The following MGAT5B variants were observed in gnomAD, a reference collection of about 807,000 sequenced individuals.
The protein encoded by MGAT5B is N-acetylglucosaminyl-transferase Vb.
MGAT5B carries 54 observed loss-of-function variants against 95.1 expected under a neutral mutation model. The observed-to-expected ratio is 0.57, with a 90% CI of 0.46 to 0.71. MGAT5B has a LOEUF of 0.71. MGAT5B is among the 30% of genes least tolerant of loss of function. MGAT5B has a pLI of 0.00. For missense variants in MGAT5B, 935 were observed against 1,088.6 expected (o/e 0.86, Z 1.99); for synonymous variants, 464 against 451.0 (o/e 1.03, Z -0.36).
At chr17:76,946,890 G>A (rs569937242) in intron 16 of MGAT5B, among the ~76,000 whole-genome samples, 2 of 152,216 alleles carry the variant, frequency 1.3e-5, no homozygotes, top group African/African-American at 2.4e-5. Flanking sequence ...ACAGCCCCAC[G>A]GTTTCAAAAA....
At position 76,906,182 on chromosome 17, in the gene MGAT5B, G is replaced by A. The variant is rs900585244; in HGVS notation, c.1020G>A (p.Leu340=). The part of the protein sequence containing the change: ...GLRVTVSLKE[L]QSNLGVPPGR... ...GGGTCACAGTCTCCCTGAAGGAGCTGCAGAGGTGAGTGCTGGGGAAAGCCA... is the reference window on the plus strand; with the variant it reads ...GGGTCACAGTCTCCCTGAAGGAGCTACAGAGGTGAGTGCTGGGGAAAGCCA... Residue 340 remains leucine (L), a synonymous_variant, in exon 8 of 18, where the codon CTG becomes CTA. Transcript: ENST00000569840. This position sits in a 1 kb window ranked among gnomAD's most constrained non-coding sequence, Gnocchi z 4.6. 1 of 1,602,122 alleles carries A rather than the reference G, an allele frequency of 6.2e-7. No homozygotes were observed. Among genetic ancestry groups the A allele is most frequent in the East Asian group, 2.3e-5 (1 of 43,250 alleles).
intron 8 of MGAT5B, among the ~76,000 whole-genome samples, chr17:76,921,312 A>G (rs16969510): frequency 0.6 from 91,077 of 151,990 alleles, 27,432 homozygotes; most frequent in Non-Finnish European, 0.62. Flanking sequence ...TTAGTCGCAC[A>G]CTGGTGACAG....
At chr17:76,873,731 C>T (rs1294361738) in intron 2 of MGAT5B, among the ~76,000 whole-genome samples, 1 of 152,188 alleles carries the variant, frequency 6.6e-6, no homozygotes, top group Non-Finnish European at 1.5e-5. Context: ...CTGAGCCCTG[C>T]TCACTGTATC....
rs1442634547 is a variant in MGAT5B at position 76,905,581 on chromosome 17, A to C, written c.855+248A>C. ...ATTCTGTGTACATCTGGTTCATGTC[A>C]GGCAGAAAAGTCATGGTATTGGCCT... On this transcript the variant is annotated intron_variant, in intron 7 of 17. Transcript: ENST00000569840. The surrounding 1 kb of genome is among the most constrained non-coding windows in gnomAD (Gnocchi z 4.2). Among the ~76,000 whole-genome samples the C allele has an allele frequency of 2.6e-5, 4 of 152,172 alleles. No individual in the cohort carries two copies. Among genetic ancestry groups the C allele is most frequent in the Non-Finnish European group, 4.4e-5 (3 of 68,018 alleles).
In MGAT5B at chr17:76,916,307, A is replaced by T. The variant is rs1968935890; in HGVS notation, c.1026-8659A>T. On this transcript the variant is annotated intron_variant, in intron 8 of 17. Transcript: ENST00000569840. The surrounding 1 kb of genome is among the most constrained non-coding windows in gnomAD (Gnocchi z 5.3). ...CAGGGAGTCTGTTTCTTGCAAGTCAAGGCCCCCCGGCCAAGTCTGAACATT... is the reference window on the plus strand; with the variant it reads ...CAGGGAGTCTGTTTCTTGCAAGTCATGGCCCCCCGGCCAAGTCTGAACATT... Among the ~76,000 whole-genome samples, 1 of 152,232 alleles carries T rather than the reference A, an allele frequency of 6.6e-6. No individual in the cohort carries two copies. Among genetic ancestry groups the T allele is most frequent in the Non-Finnish European group, 1.5e-5 (1 of 68,042 alleles).
rs116283986 is a variant in MGAT5B, at chr17:76,905,137, G to A, written c.691-32G>A. 1.5e-3 allele frequency: 2,399 copies of A among 1,575,938 alleles called. 31 individuals carry two copies. The African/African-American group carries it at 0.029, about 19-fold the overall frequency. On this transcript the variant is annotated intron_variant, in intron 6 of 17. Coordinates refer to ENST00000569840, the MANE Select transcript of MGAT5B (RefSeq NM_001199172.2). This position sits in a 1 kb window ranked among gnomAD's most constrained non-coding sequence, Gnocchi z 4.2. ...GGGAATGATGGTGGCCGCAGGTTGAGGGGCAGAGAGCTGAGGTCTGGACCC... is the reference window on the plus strand; with the variant it reads ...GGGAATGATGGTGGCCGCAGGTTGAAGGGCAGAGAGCTGAGGTCTGGACCC...
chr17:76,880,440 C>T (rs1162338102), intron 2 of MGAT5B, among the ~76,000 whole-genome samples: 2 of 152,162 alleles, frequency 1.3e-5, no homozygotes, highest in Non-Finnish European at 2.9e-5. Flanking sequence ...CAGCCAGAGC[C>T]AGGGAAGAAG....
chr17:76,933,308 C>CT lies in MGAT5B; in HGVS notation c.1428+11_1428+12insT. ...ACGAGGCAGCTCCAGGTATGGAAACCGCTTGCCGCCTGCCCCCTCTACCCT... is the reference window on the plus strand; with the variant it reads ...ACGAGGCAGCTCCAGGTATGGAAACCTGCTTGCCGCCTGCCCCCTCTACCCT... On this transcript the variant is annotated intron_variant, in intron 12 of 17. Transcript: ENST00000569840. 6.3e-7 allele frequency: 1 copy of CT among 1,598,260 alleles called. No homozygotes were observed. The highest frequency in any genetic ancestry group is 8.5e-7 in the Non-Finnish European group (1 of 1,179,730).
At chr17:76,885,600 G>T (rs1472454361) in intron 3 of MGAT5B, among the ~76,000 whole-genome samples, 1 of 152,186 alleles carries the variant, frequency 6.6e-6, no homozygotes, top group Admixed American at 6.5e-5. Context: ...GGAACTTGTA[G>T]GGGGAGGGGG....
rs1267800319 is a variant in MGAT5B, at chr17:76,905,697, G to A, written c.856-321G>A. Among the ~76,000 whole-genome samples the A allele has an allele frequency of 7.1e-6, 1 of 140,204 alleles. No individual in the cohort carries two copies. Among genetic ancestry groups the A allele is most frequent in the Non-Finnish European group, 1.6e-5 (1 of 64,158 alleles). The allele number at this position is 140,204 out of a possible 152,430, so 92.0% of individuals were successfully genotyped here. A position where few individuals can be genotyped will look rare whatever the true frequency, so the allele number is the denominator to read the frequency against. ...TTCCCTCCCTCCCTCCCTCCACCCAGTAGATATTTACGTGGCTCTCACATT... is the reference window on the plus strand; with the variant it reads ...TTCCCTCCCTCCCTCCCTCCACCCAATAGATATTTACGTGGCTCTCACATT... On this transcript the variant is annotated intron_variant, in intron 7 of 17. Transcript: ENST00000569840. This position sits in a 1 kb window ranked among gnomAD's most constrained non-coding sequence, Gnocchi z 4.2.
intron 15 of MGAT5B, chr17:76,944,350 T>C (rs76685549): frequency 0.057 from 8,726 of 152,300 alleles, 281 homozygotes; most frequent in South Asian, 0.084. Context: ...AGAGATTTGC[T>C]GTCACGGAGC....
At position 76,948,020 on chromosome 17, in the gene MGAT5B, T is replaced by G. The variant is rs1599016189; in HGVS notation, c.2114T>G (p.Leu705Arg). ...VPGRACTDTC[L>R]DHGLICEPSF... ...GGGAGGGCCTGCACCGACACCTGCC[T>G]GGACCACGGGCTAATCTGTGAGCCC... Residue 705 changes from leucine (L) to arginine (R), a missense_variant, in exon 17 of 18, where the codon CTG (leucine) becomes CGG (arginine). This residue lies in a region of MGAT5B where 440 missense variants were observed against 523.6 expected (regional missense o/e 0.84). Coordinates refer to ENST00000569840, the MANE Select transcript of MGAT5B (RefSeq NM_001199172.2). 6.2e-6 allele frequency: 10 copies of G among 1,613,248 alleles called. No individual in the cohort carries two copies. The highest frequency in any genetic ancestry group is 1.3e-5 in the African/African-American group (1 of 75,068).
chr17:76,943,580 TA>T (rs1417567544), intron 15 of MGAT5B, among the ~76,000 whole-genome samples: 1 of 143,986 alleles, frequency 6.9e-6, no homozygotes, highest in Non-Finnish European at 1.5e-5. Context: ...ATTATTTTTT[TA>T]AAATTTTCTT....
intron 8 of MGAT5B, among the ~76,000 whole-genome samples, chr17:76,907,131 A>G (rs1355058195): frequency 6.6e-6 from 1 of 150,720 alleles, no homozygotes; most frequent in Non-Finnish European, 1.5e-5. Flanking sequence ...GGCTCACTGC[A>G]GCCTCCGCCT....
intron 3 of MGAT5B, among the ~76,000 whole-genome samples, chr17:76,902,242 G>A (rs558314715): frequency 6.6e-6 from 1 of 152,090 alleles, no homozygotes; most frequent in African/African-American, 2.4e-5. Context: ...CGAGGGGTGG[G>A]GGATGTCCAC....
intron 10 of MGAT5B, 22 bp from the exon 11 acceptor site, chr17:76,932,623 C>T (rs1228085699): frequency 6.2e-7 from 1 of 1,612,834 alleles, no homozygotes; most frequent in East Asian, 2.2e-5. Context: ...GACCCCATTC[C>T]TTCTGCGTGC....
rs756556533 is a variant in MGAT5B at position 76,925,010 on chromosome 17, T to C, written c.1070T>C (p.Met357Thr). ...GGCCGGGGAAGCTGCCCGCTCACCATGCCCCTGCCCTTCGACCTCATCTAC... is the reference window on the plus strand; with the variant it reads ...GGCCGGGGAAGCTGCCCGCTCACCACGCCCCTGCCCTTCGACCTCATCTAC... ...PPGRGSCPLT[M>T]PLPFDLIYTD... Residue 357 changes from methionine (M) to threonine (T), a missense_variant, in exon 9 of 18, where the codon ATG becomes ACG. Transcript: ENST00000569840. The C allele has an allele frequency of 5.6e-6, 9 of 1,603,204 alleles. No individual in the cohort carries two copies. In the South Asian group the frequency reaches 6.6e-5, roughly 12 times the overall value.
intron 3 of MGAT5B, among the ~76,000 whole-genome samples, chr17:76,888,967 C>T (rs7211485): frequency 0.1 from 15,711 of 152,204 alleles, 1,148 homozygotes; most frequent in East Asian, 0.25. Flanking sequence ...GGACAGTGCC[C>T]GGAGGCTGGC....
chr17:76,902,353 G>A (rs746009373), intron 3 of MGAT5B, among the ~76,000 whole-genome samples: 3 of 152,208 alleles, frequency 2.0e-5, no homozygotes, highest in Non-Finnish European at 4.4e-5. Flanking sequence ...TGTCTGTAAT[G>A]TGTGTACTGG....
Sources: allele counts gnomAD v4.1 joint callset (sites outside exome capture counted in the v4.1 genomes callset), GRCh38; gene constraint gnomAD v4.1.1; regional missense constraint gnomAD v4.1.1; non-coding constraint Gnocchi (gnomAD v3.1); transcripts MANE v1.5; gene names NCBI Gene and HGNC (gene_info 2026-07-23, HGNC 2026-07-21).